CNTNAP2: variants seen among roughly 807,000 people sequenced by gnomAD.
CNTNAP2 encodes contactin associated protein 2, also known as contactin-associated protein-like 2.
In CNTNAP2, 98 loss-of-function variants were observed where a neutral mutation model predicts 155.2. That is an observed-to-expected ratio of 0.63 (90% CI 0.54 to 0.75). CNTNAP2 has a LOEUF of 0.75. Among genes scored for constraint, CNTNAP2 ranks in the 30% least tolerant of loss-of-function variants. The pLI, the probability that CNTNAP2 is intolerant of heterozygous loss-of-function variation, is 0.00. For missense variants in CNTNAP2, 1,727 were observed against 1,688.1 expected (o/e 1.02, Z -0.40); for synonymous variants, 651 against 631.2 (o/e 1.03, Z -0.47).
At chr7:146,638,573 C>T (rs1447147632) in intron 1 of CNTNAP2, among the ~76,000 whole-genome samples, 3 of 148,110 alleles carry the variant, frequency 2.0e-5, no homozygotes, top group Admixed American at 6.8e-5. Context: ...CAAGTTCCTC[C>T]TCCCGGGTTC....
intron 8 of CNTNAP2, among the ~76,000 whole-genome samples, chr7:147,295,252 C>CAT (rs1383954543): frequency 6.9e-6 from 1 of 144,848 alleles, no homozygotes; most frequent in African/African-American, 2.5e-5. Context: ...CGTGTGTACC[C>CAT]ATGTGTGTGT....
Position 148,368,430 on chromosome 7 carries a change from T to C in CNTNAP2, c.3476-15219T>C, listed in dbSNP as rs576981249. 7.9e-5 allele frequency among the ~76,000 whole-genome samples: 12 copies of C among 152,056 alleles called. No homozygotes were observed. The South Asian group carries it at 2.5e-3, about 32-fold the overall frequency. ...CTGGATAATGTCTTAACTGGTAGAG[T>C]GATGGTTAAGAGCATGAGTTTTGGG... On this transcript the variant is annotated intron_variant, in intron 21 of 23. Transcript: ENST00000361727.
chr7:147,079,488 A>T (rs572088343), intron 4 of CNTNAP2, among the ~76,000 whole-genome samples: 1 of 152,104 alleles, frequency 6.6e-6, no homozygotes, highest in South Asian at 2.1e-4. Flanking sequence ...AGATATACCT[A>T]ATGCTAAATG....
At chr7:146,479,590 T>TA (rs1418132392) in intron 1 of CNTNAP2, among the ~76,000 whole-genome samples, 6 of 152,072 alleles carry the variant, frequency 3.9e-5, no homozygotes, top group Non-Finnish European at 8.8e-5. Context: ...TGTCTAAACA[T>TA]ACAGTGAACA....
At chr7:147,233,024 A>G (rs948755934) in intron 8 of CNTNAP2, among the ~76,000 whole-genome samples, 2 of 152,248 alleles carry the variant, frequency 1.3e-5, no homozygotes, top group Non-Finnish European at 2.9e-5. Context: ...GTAACTGTAC[A>G]TGGGCTTTTC....
intron 13 of CNTNAP2, among the ~76,000 whole-genome samples, chr7:147,802,400 G>A (rs1170987665): frequency 1.7e-4 from 26 of 151,938 alleles, no homozygotes; most frequent in African/African-American, 5.8e-4. Flanking sequence ...CTGCAATCTC[G>A]GCACTTTGGG....
chr7:147,416,435 C>T (rs1011626863), intron 10 of CNTNAP2, among the ~76,000 whole-genome samples: 6 of 152,140 alleles, frequency 3.9e-5, no homozygotes, highest in Admixed American at 3.9e-4. Flanking sequence ...TTTGTGAGTG[C>T]AGACTTAGTT....
At chr7:146,505,099 A>G (rs574808297) in intron 1 of CNTNAP2, among the ~76,000 whole-genome samples, 2 of 152,246 alleles carry the variant, frequency 1.3e-5, no homozygotes, top group Admixed American at 6.5e-5. Context: ...GGCATCCCCT[A>G]TCCAAAGCTG....
chr7:147,922,763 C>A (rs912670018), intron 14 of CNTNAP2, among the ~76,000 whole-genome samples: 2 of 152,074 alleles, frequency 1.3e-5, no homozygotes, highest in Non-Finnish European at 2.9e-5. Context: ...AGTCTTTATG[C>A]AGAAACAGCA....
chr7:146,697,326 C>G (rs549508372), intron 1 of CNTNAP2, among the ~76,000 whole-genome samples: 1 of 152,074 alleles, frequency 6.6e-6, no homozygotes, highest in Non-Finnish European at 1.5e-5. Context: ...CAACCTCTGT[C>G]TCCTGGGCTC....
At chr7:146,560,609 C>A (rs764201736) in intron 1 of CNTNAP2, among the ~76,000 whole-genome samples, 3 of 152,080 alleles carry the variant, frequency 2.0e-5, no homozygotes, top group Non-Finnish European at 1.5e-5. Flanking sequence ...CCTTCAGAAT[C>A]CTGCCATATT....
chr7:146,327,803 A>G (rs1801121279), intron 1 of CNTNAP2, among the ~76,000 whole-genome samples: 2 of 152,240 alleles, frequency 1.3e-5, no homozygotes, highest in Admixed American at 6.5e-5. Context: ...TTATTCCATG[A>G]AATAAATTGG....
intron 1 of CNTNAP2, among the ~76,000 whole-genome samples, chr7:146,518,417 G>A (rs1465121637): frequency 6.6e-6 from 1 of 151,832 alleles, no homozygotes. Flanking sequence ...TACGCATCCA[G>A]TAAATTTTTC....
At chr7:146,286,761 C>A (rs894713519) in intron 1 of CNTNAP2, among the ~76,000 whole-genome samples, 7 of 152,106 alleles carry the variant, frequency 4.6e-5, no homozygotes, top group African/African-American at 1.7e-4. Flanking sequence ...AAGTGATTGT[C>A]CTTCAGTCTT....
intron 3 of CNTNAP2, among the ~76,000 whole-genome samples, chr7:147,025,864 TTAA>T (rs1178461031): frequency 1.9e-3 from 184 of 97,340 alleles, no homozygotes; most frequent in African/African-American, 7.6e-3. Flanking sequence ...TTTTTTTTTT[TTAA>T]ATTTTTATAT....
chr7:146,812,530 A>G (rs142818815), intron 2 of CNTNAP2, among the ~76,000 whole-genome samples: 3,588 of 151,540 alleles, frequency 0.024, 83 homozygotes, highest in Non-Finnish European at 0.032. Flanking sequence ...TACATGTGCC[A>G]TGTTGGTGTG....
chr7:146,968,761 G>A (rs1157636076), intron 3 of CNTNAP2, among the ~76,000 whole-genome samples: 1 of 151,636 alleles, frequency 6.6e-6, no homozygotes, highest in Admixed American at 6.6e-5. Context: ...CAAAAAACCA[G>A]TTCCTGGATT....
intron 1 of CNTNAP2, among the ~76,000 whole-genome samples, chr7:146,129,413 A>G (rs1221702558): frequency 6.6e-6 from 1 of 152,172 alleles, no homozygotes. Flanking sequence ...TTGTTTCCAC[A>G]TATGGATTTT....
intron 3 of CNTNAP2, among the ~76,000 whole-genome samples, chr7:146,954,395 A>G (rs1375581051): frequency 6.6e-6 from 1 of 151,934 alleles, no homozygotes; most frequent in African/African-American, 2.4e-5. Context: ...TGCATAGATG[A>G]AAAAAGTCTG....
Sources: allele counts gnomAD v4.1 joint callset (sites outside exome capture counted in the v4.1 genomes callset), GRCh38; gene constraint gnomAD v4.1.1; transcripts MANE v1.5; gene names NCBI Gene and HGNC (gene_info 2026-07-23, HGNC 2026-07-21).